Variants in COL24A1 observed in about 807,000 individuals in gnomAD.
COL24A1 encodes collagen type XXIV alpha 1 chain.
Under a neutral mutation model 253.9 loss-of-function variants are expected in COL24A1, and 224 were observed. That is an observed-to-expected ratio of 0.88 (90% CI 0.79 to 0.99). COL24A1 has a LOEUF of 0.99. Ranked by LOEUF, COL24A1 falls within the 50% of genes least tolerant of loss-of-function variation. The pLI is 0.00. For synonymous variants in COL24A1, 685 were observed against 673.7 expected (o/e 1.02, Z -0.26); for missense variants, 2,131 against 2,068.5 (o/e 1.03, Z -0.59).
intron 20 of COL24A1, among the ~76,000 whole-genome samples, chr1:85,974,507 CATTTACATGA>C (rs1313838514): frequency 1.3e-5 from 2 of 151,952 alleles, no homozygotes; most frequent in Non-Finnish European, 2.9e-5. Context: ...AGTAGAATTC[CATTTACATGA>C]ATTTACAAAA....
intron 59 of COL24A1, among the ~76,000 whole-genome samples, chr1:85,734,026 C>T (rs921299394): frequency 1.3e-5 from 2 of 151,462 alleles, no homozygotes; most frequent in East Asian, 3.9e-4. Context: ...CCTCAGTCTC[C>T]CAGGTAGCTG....
intron 31 of COL24A1, 54 bp downstream of exon 31, chr1:85,895,804 C>T: frequency 2.8e-6 from 4 of 1,441,856 alleles, no homozygotes; most frequent in Non-Finnish European, 3.8e-6. Flanking sequence ...CAGCCCCTTT[C>T]CCCCAAAAAT....
At chr1:86,042,983 A>G (rs1699620574) in intron 12 of COL24A1, among the ~76,000 whole-genome samples, 1 of 152,196 alleles carries the variant, frequency 6.6e-6, no homozygotes, top group Admixed American at 6.5e-5. Context: ...ATCAATAGGT[A>G]GAAAGACCTG....
intron 59 of COL24A1, among the ~76,000 whole-genome samples, chr1:85,733,906 AT>A (rs112415867): frequency 0.019 from 2,449 of 131,394 alleles, 72 homozygotes; most frequent in Admixed American, 0.072. Flanking sequence ...ATTTAATTTA[AT>A]TTTTTTTTTT....
In COL24A1 at chr1:85,831,151, C is replaced by T. The variant is rs116801897; in HGVS notation, c.3682-7413G>A. ...CTAACGGAAAAACCATGATCACACA[C>T]GAGCCTTAGCAAAACATGAGCAGAG... is the stretch of plus-strand genomic sequence containing the variant. On this transcript the variant is annotated intron_variant, in intron 43 of 59. Transcript: ENST00000370571. 6.8e-3 allele frequency among the ~76,000 whole-genome samples: 1,038 copies of T among 152,122 alleles called. 12 individuals carry two copies. The highest frequency in any genetic ancestry group is 0.044 in the Middle Eastern group (13 of 294).
At chr1:85,912,217 T>C (rs540724989) in intron 24 of COL24A1, among the ~76,000 whole-genome samples, 9 of 152,184 alleles carry the variant, frequency 5.9e-5, no homozygotes, top group African/African-American at 1.9e-4. Flanking sequence ...AAGGAATGAA[T>C]TTGATTTGCT....
intron 5 of COL24A1, among the ~76,000 whole-genome samples, chr1:86,092,570 A>C (rs1380803126): frequency 6.6e-6 from 1 of 151,962 alleles, no homozygotes; most frequent in African/African-American, 2.4e-5. Flanking sequence ...ATTTAAAGTT[A>C]TACTACTATT....
At chr1:85,875,400 A>G in intron 33 of COL24A1, 70 bp from the exon 34 acceptor site, 1 of 1,250,690 alleles carries the variant, frequency 8.0e-7, no homozygotes, top group Non-Finnish European at 1.2e-6. Flanking sequence ...GTAACACTGA[A>G]CTCAAGGGTG....
At chr1:86,148,919 C>T (rs999899114) in intron 1 of COL24A1, among the ~76,000 whole-genome samples, 9 of 152,028 alleles carry the variant, frequency 5.9e-5, no homozygotes, top group African/African-American at 9.7e-5. Context: ...CCTGAGGAAT[C>T]GCCACACTGA....
chr1:85,789,389 T>C (rs1317182451), intron 47 of COL24A1, among the ~76,000 whole-genome samples: 1 of 152,186 alleles, frequency 6.6e-6, no homozygotes, highest in Non-Finnish European at 1.5e-5. Context: ...GGAATGCTTG[T>C]GGTTTCTGAA....
intron 1 of COL24A1, among the ~76,000 whole-genome samples, chr1:86,153,274 A>C: frequency 7.5e-6 from 1 of 133,686 alleles, no homozygotes; most frequent in Non-Finnish European, 1.5e-5. Context: ...ATTTCGTTAT[A>C]CTTGGTTGTT....
At chr1:85,759,682 T>A (rs1666641708) in intron 55 of COL24A1, among the ~76,000 whole-genome samples, 1 of 152,242 alleles carries the variant, frequency 6.6e-6, no homozygotes, top group Admixed American at 6.5e-5. Flanking sequence ...TCTTACTTAA[T>A]CTTCCTGATT....
Position 86,124,866 on chromosome 1 carries a change from T to C in COL24A1, c.1470A>G (p.Pro490=), listed in dbSNP as rs1647994771. 6.4e-7 allele frequency: 1 copy of C among 1,568,134 alleles called. No individual in the cohort carries two copies. The highest frequency in any genetic ancestry group is 2.2e-5 in the East Asian group (1 of 44,618). The change falls in exon 3 of 60, where the codon CCA becomes CCG. Residue 490 remains proline (P), a synonymous_variant. Coordinates refer to ENST00000370571, the MANE Select transcript of COL24A1 (RefSeq NM_152890.7). ...TTACGGGAGGTCCAGTGTCTCCTTT[T>C]GGCCCTCTCAGATACTCCATTTCAA... ...TMLEMEYLRG[P]KGDTGPPGPP...
At chr1:85,896,433 T>C in intron 28 of COL24A1, 24 bp from the exon 29 acceptor site, 1 of 1,592,176 alleles carries the variant, frequency 6.3e-7, no homozygotes, top group Non-Finnish European at 8.6e-7. Flanking sequence ...AAATATCCTG[T>C]TGTTAATTTG....
At position 85,896,085 on chromosome 1, in the gene COL24A1, A is replaced by C. The variant is rs200480535; in HGVS notation, c.2833-20T>G. On this transcript the variant is annotated intron_variant, in intron 29 of 59. Transcript: ENST00000370571. ...TTCACCCTAACAAAGTATCAAAGCC[A>C]GGTGAGTTAGTAAGAATGTGAATTA... 2.5e-6 allele frequency: 4 copies of C among 1,610,874 alleles called. No individual in the cohort carries two copies. Among genetic ancestry groups the C allele is most frequent in the Non-Finnish European group, 3.4e-6 (4 of 1,178,746 alleles).
chr1:86,104,412 T>C (rs555077372), intron 5 of COL24A1, among the ~76,000 whole-genome samples: 19 of 152,360 alleles, frequency 1.2e-4, no homozygotes, highest in Non-Finnish European at 2.6e-4. Context: ...AGAACCTTGC[T>C]GCAGGGCTAA....
chr1:86,034,490 T>C (rs1698847145), intron 12 of COL24A1, among the ~76,000 whole-genome samples: 1 of 152,088 alleles, frequency 6.6e-6, no homozygotes. Context: ...CCATTAAAAA[T>C]GGGTGGGACT....
intron 24 of COL24A1, among the ~76,000 whole-genome samples, chr1:85,920,297 T>C (rs1398781642): frequency 6.6e-6 from 1 of 152,204 alleles, no homozygotes; most frequent in African/African-American, 2.4e-5. Context: ...GTTGACATGA[T>C]GAAATGGTGA....
At chr1:85,891,308 C>T (rs1189354921) in intron 31 of COL24A1, among the ~76,000 whole-genome samples, 1 of 151,632 alleles carries the variant, frequency 6.6e-6, no homozygotes, top group East Asian at 1.9e-4. Context: ...TCGTGATCCA[C>T]CCGCCTTGGC....
Sources: allele counts gnomAD v4.1 joint callset (sites outside exome capture counted in the v4.1 genomes callset), GRCh38; gene constraint gnomAD v4.1.1; transcripts MANE v1.5; gene names NCBI Gene and HGNC (gene_info 2026-07-23, HGNC 2026-07-21).